TMEM255A: variants seen among roughly 807,000 people sequenced by gnomAD.
The protein encoded by TMEM255A is family with sequence similarity 70, member A.
Under a neutral mutation model 23.5 loss-of-function variants are expected in TMEM255A, and 14 were observed. The ratio of observed to expected loss-of-function variants is 0.60; its 90% CI spans 0.39 to 0.93. The LOEUF (loss-of-function observed/expected upper bound fraction) is 0.93. Ranked by LOEUF, TMEM255A falls within the 40% of genes least tolerant of loss-of-function variation. The probability of loss-of-function intolerance (pLI) is 0.00; values close to 1 mark genes in which losing one functional copy is unlikely to be tolerated. For synonymous variants in TMEM255A, 104 were observed against 100.3 expected, an observed-to-expected ratio of 1.04 and a Z score of -0.22; for missense variants, 233 against 261.7, an observed-to-expected ratio of 0.89 and a Z score of 0.76.
rs2057803193 is a variant in TMEM255A at position 120,277,014 on chromosome X, G to A, written c.546C>T (p.Tyr182=). The change falls in exon 7 of 9, where the codon TAC becomes TAT. Residue 182 remains tyrosine (Y), a synonymous_variant. Transcript: ENST00000371369. The stretch of plus-strand genomic sequence containing the variant: ...TATCTTGGCAACTGCTGACATCGAT[G>A]TATTCGTAGTACCCACCAGTGATCT... ...RVEITGGYYE[Y]IDVSSCQDII... 5 of 1,208,367 alleles carry A rather than the reference G, an allele frequency of 4.1e-6. No individual in the cohort carries two copies. In the African/African-American group the frequency reaches 7.0e-5, roughly 17 times the overall value.
intron 3 of TMEM255A, among the ~76,000 whole-genome samples, 167 bp from the exon 4 acceptor site, chrX:120,291,507 GGAGGCA>G (rs1463396925): frequency 8.4e-5 from 9 of 107,267 alleles, no homozygotes; most frequent in African/African-American, 3.1e-4. Flanking sequence ...GGTAGGCAGG[GGAGGCA>G]GAGAATGGGC....
At position 120,278,294 on chromosome X, in the gene TMEM255A, G is replaced by C. The variant is rs782088690; in HGVS notation, c.513-1247C>G. On this transcript the variant is annotated intron_variant, in intron 6 of 8. Coordinates refer to ENST00000371369, the MANE Select transcript of TMEM255A (RefSeq NM_001104544.3). ...TTAGACTTCCAGCCTCCAGAAATGA[G>C]AGAAATAAGTACATTTCTATTGTTT... 4.5e-5 allele frequency among the ~76,000 whole-genome samples: 5 copies of C among 112,203 alleles called. No homozygotes were observed. The South Asian group carries it at 1.9e-3, about 42-fold the overall frequency.
At chrX:120,296,969 ATAT>A (rs1293227058) in intron 2 of TMEM255A, among the ~76,000 whole-genome samples, 1 of 1,568 alleles carries the variant, frequency 6.4e-4, no homozygotes, top group Non-Finnish European at 8.1e-4. Flanking sequence ...ATAATATATA[ATAT>A]TATATATATT....
chrX:120,273,343 TG>T, intron 7 of TMEM255A: 1 of 341,054 alleles, frequency 2.9e-6, no homozygotes, highest in Non-Finnish European at 5.6e-6. Flanking sequence ...ATCAAATTGG[TG>T]ATGTTTTCAT....
intron 2 of TMEM255A, among the ~76,000 whole-genome samples, chrX:120,296,838 TAA>T (rs782182650): frequency 0.016 from 206 of 12,865 alleles, 32 homozygotes; most frequent in African/African-American, 0.042. Context: ...ATATGATATA[TAA>T]TATATATCAT....
chrX:120,303,691 A>T (rs1424921289), intron 2 of TMEM255A, among the ~76,000 whole-genome samples: 1 of 109,609 alleles, frequency 9.1e-6, no homozygotes, highest in Non-Finnish European at 1.9e-5. Context: ...TGAAATAAGG[A>T]TTTAAAGCCA....
intron 3 of TMEM255A, among the ~76,000 whole-genome samples, chrX:120,293,074 C>T (rs1556023315): frequency 8.9e-6 from 1 of 112,068 alleles, no homozygotes; most frequent in Non-Finnish European, 1.9e-5. Flanking sequence ...GGGTGATTCC[C>T]CATATCGCTG....
chrX:120,278,408 A>T (rs2057815287), intron 6 of TMEM255A, among the ~76,000 whole-genome samples: 1 of 112,379 alleles, frequency 8.9e-6, no homozygotes, highest in Admixed American at 9.4e-5. Context: ...ATTCATTCCC[A>T]TATGAAAATA....
At chrX:120,264,876 T>C (rs1041858814) in intron 8 of TMEM255A, among the ~76,000 whole-genome samples, 11 of 103,264 alleles carry the variant, frequency 1.1e-4, no homozygotes, top group Non-Finnish European at 1.7e-4. Flanking sequence ...CCTCTTGACT[T>C]TCCTTTTTTT....
chrX:120,299,851 T>A (rs1556025603), intron 2 of TMEM255A, among the ~76,000 whole-genome samples: 1 of 111,890 alleles, frequency 8.9e-6, no homozygotes. Flanking sequence ...TACATGTGAA[T>A]CTGAGGCCAC....
intron 5 of TMEM255A, chrX:120,285,927 T>C: frequency 8.6e-7 from 1 of 1,168,741 alleles, no homozygotes; most frequent in Non-Finnish European, 1.1e-6. Context: ...CTCTCCCCCA[T>C]CCAGATGCAA....
At chrX:120,263,843 A>G (rs1205207483) in intron 8 of TMEM255A, among the ~76,000 whole-genome samples, 10 of 111,024 alleles carry the variant, frequency 9.0e-5, no homozygotes, top group African/African-American at 3.0e-4. Context: ...GTTGAGTGAT[A>G]GCAACAACAG....
intron 2 of TMEM255A, among the ~76,000 whole-genome samples, chrX:120,297,867 C>T (rs1377202500): frequency 1.9e-4 from 21 of 110,654 alleles, no homozygotes; most frequent in Non-Finnish European, 3.2e-4. Context: ...GTCTTATTTG[C>T]GGAAGAGCTG....
chrX:120,251,680 C>G, the TMEM255A span, among the ~76,000 whole-genome samples: 1 of 112,136 alleles, frequency 8.9e-6, no homozygotes, highest in African/African-American at 3.2e-5. Context: ...CCGTCACCAG[C>G]TCCTCCGAAC....
intron 5 of TMEM255A, chrX:120,285,774 T>C: frequency 8.4e-7 from 1 of 1,196,363 alleles, no homozygotes; most frequent in South Asian, 1.8e-5. Context: ...ATTTTTACAG[T>C]CACCAAATTA....
downstream of TMEM255A, chrX:120,253,990 A>ATGT (rs2057617781): frequency 8.3e-7 from 1 of 1,209,250 alleles, no homozygotes; most frequent in South Asian, 1.8e-5. Flanking sequence ...GATGATGATG[A>ATGT]TGATGATGTC....
chrX:120,281,835 T>G (rs782453219), intron 6 of TMEM255A, among the ~76,000 whole-genome samples: 1 of 112,270 alleles, frequency 8.9e-6, no homozygotes, highest in African/African-American at 3.2e-5. Flanking sequence ...AGGCAACTGC[T>G]GAGGAGCTGT....
At chrX:120,254,414 A>G (rs2057622783), downstream of TMEM255A, 1 of 1,209,532 alleles carries the variant, frequency 8.3e-7, no homozygotes, top group Non-Finnish European at 1.1e-6. Flanking sequence ...AGGAGGAGGA[A>G]ATAATAGATG....
intron 3 of TMEM255A, 138 bp downstream of exon 3, chrX:120,293,851 A>G (rs568547305): frequency 2.4e-6 from 1 of 412,476 alleles, no homozygotes; most frequent in South Asian, 3.0e-5. Flanking sequence ...CACATTCCCT[A>G]GAGGTTTAGG....
Sources: allele counts gnomAD v4.1 joint callset (sites outside exome capture counted in the v4.1 genomes callset), GRCh38; gene constraint gnomAD v4.1.1; transcripts MANE v1.5; gene names NCBI Gene and HGNC (gene_info 2026-07-23, HGNC 2026-07-21).